Variants in KIF26B observed in about 807,000 individuals in gnomAD.
KIF26B encodes kinesin family member 26B, also known as kinesin-like protein KIF26B.
In KIF26B, 63 loss-of-function variants were observed where a neutral mutation model predicts 151.2. That is an observed-to-expected ratio of 0.42 (90% CI 0.34 to 0.51). KIF26B has a LOEUF of 0.51. Among genes scored for constraint, KIF26B ranks in the 20% least tolerant of loss-of-function variants. The probability of loss-of-function intolerance (pLI) is 0.07; values close to 1 mark genes in which losing one functional copy is unlikely to be tolerated. For synonymous variants in KIF26B, 1,357 were observed against 1,262.1 expected (o/e 1.08, Z -1.59); for missense variants, 2,813 against 2,913.6 (o/e 0.97, Z 0.79).
In KIF26B at chr1:245,662,105, AAT is replaced by A. The variant is rs200659598; in HGVS notation, c.2258+15837_2258+15838del. ...CCCAATGATATACATACACACACTC[AAT>A]ATATATATATACCCAATGATATATA... On this transcript the variant is annotated intron_variant, in intron 10 of 14. Transcript: ENST00000407071. 4.3e-3 allele frequency among the ~76,000 whole-genome samples: 650 copies of A among 149,576 alleles called. 5 individuals carry two copies. The highest frequency in any genetic ancestry group is 0.014 in the African/African-American group (582 of 40,630).
At chr1:245,370,786 C>T (rs1673097409) in intron 3 of KIF26B, 1 of 373,752 alleles carries the variant, frequency 2.7e-6, no homozygotes, top group Non-Finnish European at 5.4e-6. Flanking sequence ...TTTATTTGTG[C>T]AATGATTCTG....
intron 2 of KIF26B, among the ~76,000 whole-genome samples, chr1:245,221,697 C>T (rs537186031): frequency 7.2e-5 from 11 of 152,290 alleles, no homozygotes; most frequent in South Asian, 2.1e-4. Flanking sequence ...GTGGGCACAC[C>T]GTGCCTGGCC....
intron 2 of KIF26B, among the ~76,000 whole-genome samples, chr1:245,301,669 G>T (rs983780889): frequency 1.3e-5 from 2 of 152,158 alleles, no homozygotes; most frequent in Non-Finnish European, 2.9e-5. Flanking sequence ...GCATCAGAGA[G>T]CTCTTCAGAA....
intron 10 of KIF26B, among the ~76,000 whole-genome samples, chr1:245,681,298 C>T (rs1456397822): frequency 6.6e-6 from 1 of 151,964 alleles, no homozygotes; most frequent in Non-Finnish European, 1.5e-5. Flanking sequence ...CAAGCTCCAC[C>T]CCCCGGGTTC....
rs749379056 is a variant in KIF26B, at chr1:245,419,626, A to T, written c.1047A>T (p.Ala349=). The part of the protein sequence containing the change: ...TESSREGLTE[A]VLNRYNADKP... ...GTAGCCGGGAGGGACTAACAGAAGC[A>T]GTGCTGAACCGCTACAATGCAGACA... Residue 349 remains alanine (A), a synonymous_variant, in exon 4 of 15, where the codon GCA becomes GCT. Coordinates refer to ENST00000407071, the MANE Select transcript of KIF26B (RefSeq NM_018012.4). 1.1e-5 allele frequency: 17 copies of T among 1,613,590 alleles called. No homozygotes were observed. The highest frequency in any genetic ancestry group is 8.5e-7 in the Non-Finnish European group (1 of 1,179,702).
chr1:245,419,870 A>G (rs1658434382), intron 4 of KIF26B, 125 bp downstream of exon 4: 3 of 919,216 alleles, frequency 3.3e-6, no homozygotes, highest in Admixed American at 4.9e-5. Context: ...ATTCATTAAG[A>G]CAGAGTTTCT....
chr1:245,605,106 C>G (rs529836554), intron 6 of KIF26B, among the ~76,000 whole-genome samples: 1 of 152,338 alleles, frequency 6.6e-6, no homozygotes, highest in African/African-American at 2.4e-5. Flanking sequence ...CACTCAACCT[C>G]TCTGGACCTC....
In KIF26B at chr1:245,540,688, G is replaced by T. The variant is rs9919234; in HGVS notation, c.1167-79G>T. ...TAGGCCTCAGAAAGAACGAGGGGTT[G>T]TTTAAGAGAAAACGAAGTAAGCCTA... On this transcript the variant is annotated intron_variant, in intron 4 of 14. Coordinates refer to ENST00000407071, the MANE Select transcript of KIF26B (RefSeq NM_018012.4). The surrounding 1 kb of genome is among the most constrained non-coding windows in gnomAD (Gnocchi z 4.6). 0.59 allele frequency: 779,004 copies of T among 1,311,626 alleles called. 232,109 individuals are homozygous for T. Among genetic ancestry groups the T allele is most frequent in the East Asian group, 0.68 (29,397 of 43,318 alleles). 81.2% of individuals were successfully genotyped at this position (1,311,626 alleles called of 1,614,324 possible).
At chr1:245,186,560 A>G (rs1669004326) in intron 2 of KIF26B, among the ~76,000 whole-genome samples, 1 of 152,168 alleles carries the variant, frequency 6.6e-6, no homozygotes. Context: ...TGTAGGAGTC[A>G]AAGGTGAGAG....
At chr1:245,635,060 G>T (rs2043820385) in intron 9 of KIF26B, among the ~76,000 whole-genome samples, 1 of 147,464 alleles carries the variant, frequency 6.8e-6, no homozygotes, top group African/African-American at 2.5e-5. Context: ...AATTTTTTTG[G>T]CAATGTTCAT....
intron 2 of KIF26B, among the ~76,000 whole-genome samples, chr1:245,168,955 C>T (rs908791496): frequency 4.6e-5 from 7 of 152,208 alleles, no homozygotes; most frequent in Non-Finnish European, 4.4e-5. Flanking sequence ...GGATGTTTCC[C>T]TGACTCTTAT....
chr1:245,325,336 C>T (rs1218778776), intron 2 of KIF26B, among the ~76,000 whole-genome samples: 3 of 152,166 alleles, frequency 2.0e-5, no homozygotes, highest in Non-Finnish European at 4.4e-5. Context: ...TCACCGTGAG[C>T]GTCATTTGTT....
chr1:245,477,031 G>C (rs1558181687), intron 4 of KIF26B, among the ~76,000 whole-genome samples: 1 of 151,768 alleles, frequency 6.6e-6, no homozygotes, highest in Non-Finnish European at 1.5e-5. Context: ...ACAGGTGTGG[G>C]AGATGATATT....
chr1:245,511,039 A>C (rs1660822771), intron 4 of KIF26B: 1 of 711,638 alleles, frequency 1.4e-6, no homozygotes, highest in Admixed American at 2.1e-5. Context: ...GACATTTGAG[A>C]GAAGCTATTT....
chr1:245,357,698 G>T (rs1373495791), intron 2 of KIF26B, among the ~76,000 whole-genome samples: 1 of 152,102 alleles, frequency 6.6e-6, no homozygotes, highest in East Asian at 1.9e-4. Flanking sequence ...TATCATCAGG[G>T]CAGGAACCAA....
chr1:245,389,149 T>A (rs60569309), intron 3 of KIF26B, among the ~76,000 whole-genome samples: 7,659 of 152,164 alleles, frequency 0.05, 295 homozygotes, highest in African/African-American at 0.11. Context: ...GTTTCACTCT[T>A]GTCACCTGGG....
chr1:245,558,493 C>T lies in KIF26B; in HGVS notation c.1350+17543C>T, dbSNP rs373991331. On this transcript the variant is annotated intron_variant, in intron 5 of 14. Transcript: ENST00000407071. ...TAATTTGGATGTTATCCCTTCACCCCGCTTCCCCAAGGAAGTTCCCTCCTG... is the reference window on the plus strand; with the variant it reads ...TAATTTGGATGTTATCCCTTCACCCTGCTTCCCCAAGGAAGTTCCCTCCTG... 1.8e-3 allele frequency among the ~76,000 whole-genome samples: 269 copies of T among 152,332 alleles called. 1 individual carries two copies. The highest frequency in any genetic ancestry group is 6.1e-3 in the African/African-American group (255 of 41,582).
At chr1:245,561,422 A>G (rs904973266) in intron 5 of KIF26B, among the ~76,000 whole-genome samples, 7 of 152,194 alleles carry the variant, frequency 4.6e-5, no homozygotes, top group Non-Finnish European at 1.0e-4. Context: ...ACTGTTTTCT[A>G]AGGGGCCAGG....
In KIF26B at chr1:245,609,224, T is replaced by C. The variant is rs546901986; in HGVS notation, c.1652-42T>C. 173 of 1,546,982 alleles carry C rather than the reference T, an allele frequency of 1.1e-4. 1 individual carries two copies. The South Asian group carries it at 2.1e-3, about 19-fold the overall frequency. On this transcript the variant is annotated intron_variant, in intron 7 of 14. Coordinates refer to ENST00000407071, the MANE Select transcript of KIF26B (RefSeq NM_018012.4). Reference sequence around the variant, plus strand: ...TTTGGAGACTCCGTGGAATGATGCCTGGACACTGAACCTGCTTTTCTTCCT... The same window carrying C: ...TTTGGAGACTCCGTGGAATGATGCCCGGACACTGAACCTGCTTTTCTTCCT...
Sources: allele counts gnomAD v4.1 joint callset (sites outside exome capture counted in the v4.1 genomes callset), GRCh38; gene constraint gnomAD v4.1.1; non-coding constraint Gnocchi (gnomAD v3.1); transcripts MANE v1.5; gene names NCBI Gene and HGNC (gene_info 2026-07-23, HGNC 2026-07-21).